The following DPH6 variants were observed in gnomAD, a reference collection of about 807,000 sequenced individuals.
DPH6 encodes the protein diphthine--ammonia ligase.
Under a neutral mutation model 38.2 loss-of-function variants are expected in DPH6, and 33 were observed. That is an observed-to-expected ratio of 0.86 (90% CI 0.65 to 1.15). The LOEUF (loss-of-function observed/expected upper bound fraction) is 1.15. Ranked by LOEUF, DPH6 falls within the 50% of genes most tolerant of loss-of-function variation. The pLI is 0.00. For missense variants in DPH6, 325 were observed against 320.0 expected (o/e 1.02, Z -0.12); for synonymous variants, 108 against 103.0 (o/e 1.05, Z -0.30).
chr15:35,485,900 C>A (rs1270055181), intron 3 of DPH6, among the ~76,000 whole-genome samples: 4 of 152,192 alleles, frequency 2.6e-5, no homozygotes, highest in Non-Finnish European at 4.4e-5. Context: ...CCACTATCTT[C>A]CTCCAAATGG....
In DPH6 at chr15:35,371,914, T is replaced by C; in HGVS notation, c.*236A>G. ...AAGAAAAAAAAGGTCATAGGGAAGA[T>C]GTGTTAACGAAAGAGAAAGAGTGAA... On this transcript the variant is annotated 3_prime_UTR_variant, in exon 9 of 9. Transcript: ENST00000256538. 3 of 1,215,960 alleles carry C rather than the reference T, an allele frequency of 2.5e-6. No homozygotes were observed. The highest frequency in any genetic ancestry group is 1.6e-5 in the African/African-American group (1 of 62,576). 75.3% of individuals were successfully genotyped at this position (1,215,960 alleles called of 1,614,324 possible).
intron 6 of DPH6, among the ~76,000 whole-genome samples, chr15:35,403,979 T>G (rs1441046251): frequency 6.6e-6 from 1 of 152,188 alleles, no homozygotes; most frequent in African/African-American, 2.4e-5. Context: ...TGTGTGATGT[T>G]TGTATTTCTG....
At chr15:35,321,205 C>T (rs530309706) in intron 3 of DPH6, among the ~76,000 whole-genome samples, 1 of 152,332 alleles carries the variant, frequency 6.6e-6, no homozygotes, top group East Asian at 1.9e-4. Flanking sequence ...GCTATCATCA[C>T]CCTTGCTTTA....
chr15:35,190,175 G>A, the DPH6 span, among the ~76,000 whole-genome samples: 1 of 152,164 alleles, frequency 6.6e-6, no homozygotes, highest in Non-Finnish European at 1.5e-5. Flanking sequence ...TGGCAGTTCT[G>A]GTCTTAAGGC....
the DPH6 span, among the ~76,000 whole-genome samples, chr15:35,149,072 C>G: frequency 1.3e-3 from 200 of 152,250 alleles, 2 homozygotes; most frequent in Non-Finnish European, 6.9e-4. Flanking sequence ...TCTCCATCCC[C>G]CTTCTCTCCT....
At chr15:35,387,300 G>C (rs2052978268) in intron 6 of DPH6, among the ~76,000 whole-genome samples, 1 of 152,194 alleles carries the variant, frequency 6.6e-6, no homozygotes, top group Non-Finnish European at 1.5e-5. Context: ...TGTTCTATTG[G>C]CTTAGGATTG....
chr15:35,251,099 A>G (rs965152505), intron 3 of DPH6, among the ~76,000 whole-genome samples: 1 of 152,226 alleles, frequency 6.6e-6, no homozygotes, highest in Non-Finnish European at 1.5e-5. Flanking sequence ...GTCTCTATTT[A>G]TAAAACTAAG....
At chr15:35,516,009 A>C (rs2054841780) in intron 3 of DPH6, among the ~76,000 whole-genome samples, 1 of 152,282 alleles carries the variant, frequency 6.6e-6, no homozygotes, top group East Asian at 1.9e-4. Context: ...TAGAAAAATT[A>C]AGCCCTGGAA....
At chr15:35,327,900 T>C (rs112365189), downstream of DPH6, among the ~76,000 whole-genome samples, 10 of 152,308 alleles carry the variant, frequency 6.6e-5, no homozygotes, top group African/African-American at 2.2e-4. Context: ...TACCAACTTA[T>C]ACCATGACCA....
intron 3 of DPH6, chr15:35,522,338 C>A: frequency 6.5e-7 from 1 of 1,542,316 alleles, no homozygotes; most frequent in Non-Finnish European, 8.8e-7. Context: ...CCAGAAAAAG[C>A]CCTGAGGCTG....
chr15:35,543,512 C>T (rs2055297614), intron 1 of DPH6, among the ~76,000 whole-genome samples: 1 of 151,918 alleles, frequency 6.6e-6, no homozygotes, highest in South Asian at 2.1e-4. Context: ...TTGCCTCTCT[C>T]CCTTTTACAT....
At chr15:35,464,303 A>AAT in intron 3 of DPH6, among the ~76,000 whole-genome samples, 1 of 152,240 alleles carries the variant, frequency 6.6e-6, no homozygotes, top group South Asian at 2.1e-4. Context: ...AAAAAAAAAA[A>AAT]AAAATAAGGC....
chr15:35,359,648 C>T lies in DPH6; in HGVS notation n.207+13873G>A, dbSNP rs376156104. ...CCCATAAACAGACCTTCAGTTTAGCCAGTGGGTGCATGTTTGGGAGAGAAA... is the reference window on the plus strand; with the variant it reads ...CCCATAAACAGACCTTCAGTTTAGCTAGTGGGTGCATGTTTGGGAGAGAAA... On this transcript the variant is annotated intron_variant and non_coding_transcript_variant, in intron 3 of 3. Transcript: ENST00000558973. Among the ~76,000 whole-genome samples, 22 of 152,292 alleles carry T rather than the reference C, an allele frequency of 1.4e-4. 4 individuals are homozygous for T. The highest frequency in any genetic ancestry group is 7.7e-4 in the East Asian group (4 of 5,170).
At chr15:35,539,384 A>G (rs959215855) in intron 2 of DPH6, among the ~76,000 whole-genome samples, 2 of 152,090 alleles carry the variant, frequency 1.3e-5, no homozygotes, top group African/African-American at 4.8e-5. Context: ...TACAAATCCC[A>G]TAAGACATTA....
chr15:35,458,233 T>G (rs1209639814), intron 3 of DPH6, among the ~76,000 whole-genome samples: 4 of 152,222 alleles, frequency 2.6e-5, no homozygotes, highest in Non-Finnish European at 5.9e-5. Context: ...CTGACCGTAC[T>G]GCTACTACTG....
At chr15:35,219,496 C>T (rs1217795369) in exon 4 of DPH6, 1 of 152,132 alleles carries the variant, frequency 6.6e-6, no homozygotes. Flanking sequence ...TTTCATGACG[C>T]TTTTAATACA....
chr15:35,471,489 AATC>A (rs2054197828), intron 3 of DPH6, among the ~76,000 whole-genome samples: 1 of 152,158 alleles, frequency 6.6e-6, no homozygotes. Flanking sequence ...ACCTTCTCAA[AATC>A]AATCCCTCCA....
intron 3 of DPH6, chr15:35,298,912 A>C: frequency 1.2e-6 from 1 of 840,790 alleles, no homozygotes; most frequent in Non-Finnish European, 2.1e-6. Context: ...ACTGCCAGAG[A>C]AGTGGGTGAG....
In DPH6 at chr15:35,382,686, A is replaced by G. The variant is rs147627375; in HGVS notation, c.568-770T>C. On this transcript the variant is annotated intron_variant, in intron 6 of 8. Transcript: ENST00000256538. ...GGCCTTTCCTTAGGCATGAACAAAA[A>G]GAAGTCACATACATGTTTATTATGC... Among the ~76,000 whole-genome samples the G allele has an allele frequency of 2.6e-5, 4 of 152,336 alleles. No individual in the cohort carries two copies. The East Asian group carries it at 5.8e-4, about 22-fold the overall frequency.
Sources: allele counts gnomAD v4.1 joint callset (sites outside exome capture counted in the v4.1 genomes callset), GRCh38; gene constraint gnomAD v4.1.1; transcripts MANE v1.5; gene names NCBI Gene and HGNC (gene_info 2026-07-23, HGNC 2026-07-21).